PRR12: variants seen among roughly 807,000 people sequenced by gnomAD.
PRR12 encodes proline-rich protein 12.
A neutral mutation model predicts 138.0 loss-of-function variants in PRR12; 12 were observed. That is an observed-to-expected ratio of 0.09 (90% CI 0.06 to 0.14). PRR12 has a LOEUF of 0.14. PRR12 is among the 10% of genes least tolerant of loss of function. The pLI is 1.00. For missense variants in PRR12, 2,692 were observed against 2,861.3 expected, an observed-to-expected ratio of 0.94 and a Z score of 1.35; for synonymous variants, 1,567 against 1,291.7, an observed-to-expected ratio of 1.21 and a Z score of -4.57.
At position 49,595,931 on chromosome 19, in the gene PRR12, C is replaced by G. The variant is rs1426746406; in HGVS notation, c.1596C>G (p.Ser532Arg). The G allele has an allele frequency of 6.2e-7, 1 of 1,601,642 alleles. No homozygotes were observed. Among genetic ancestry groups the G allele is most frequent in the African/African-American group, 1.3e-5 (1 of 74,916 alleles). The change falls in exon 4 of 14, where the codon AGC (serine) becomes AGG (arginine). Residue 532 changes from serine to arginine, a missense_variant. Ser to Arg is a moderately radical substitution (Grantham distance 110). Transcript: ENST00000418929. ...TGCCCACAGCCAGCCCCTCGCTCAGCTACAGTACCGGCCATTCCCCAGCGC... is the reference window on the plus strand; with the variant it reads ...TGCCCACAGCCAGCCCCTCGCTCAGGTACAGTACCGGCCATTCCCCAGCGC... The part of the protein sequence containing the change: ...QGLPTASPSL[S>R]YSTGHSPALS...
Position 49,595,196 on chromosome 19 carries a change from G to T in PRR12, c.861G>T (p.Thr287=). ...PPERALPRQD[T]VIKHYQRPAS... ...AGCGGGCCCTGCCACGCCAGGACAC[G>T]GTCATCAAGCACTACCAGCGGCCAG... The change falls in exon 4 of 14, where the codon ACG becomes ACT. Residue 287 remains threonine (T), a synonymous_variant. Transcript: ENST00000418929. 1 of 1,602,452 alleles carries T rather than the reference G, an allele frequency of 6.2e-7. No individual in the cohort carries two copies. The highest frequency in any genetic ancestry group is 2.3e-5 in the East Asian group (1 of 44,258).
chr19:49,599,252 C>T lies in PRR12; in HGVS notation c.3679-20C>T. 2.6e-6 allele frequency: 4 copies of T among 1,543,080 alleles called. No homozygotes were observed. On this transcript the variant is annotated intron_variant, in intron 4 of 13. Transcript: ENST00000418929. This position sits in a 1 kb window ranked among gnomAD's most constrained non-coding sequence, Gnocchi z 5.0. ...GGCCCAGGCTACTGGGCCCTCACGG[C>T]CCGCCACTCCCATGTCTAGATCAAG...
chr19:49,615,960 G>A lies in PRR12; in HGVS notation c.5238G>A (p.Lys1746=), dbSNP rs2122358160. The A allele has an allele frequency of 6.4e-6, 10 of 1,553,050 alleles. No homozygotes were observed. Among genetic ancestry groups the A allele is most frequent in the Non-Finnish European group, 8.7e-6 (10 of 1,147,754 alleles). Residue 1746 remains lysine, a synonymous_variant, in exon 9 of 14, where the codon AAG becomes AAA. Transcript: ENST00000418929. ...RPVEKEKEKE[K]VTRGERPLRG... is the part of the protein sequence containing the mutation. ...TTGAGAAGGAAAAGGAGAAGGAGAA[G>A]GTGACACGTGGAGAGCGGCCATTGC...
In PRR12 at chr19:49,597,435, C is replaced by T. The variant is rs2080780804; in HGVS notation, c.3100C>T (p.Pro1034Ser). The T allele has an allele frequency of 7.2e-6, 11 of 1,538,334 alleles. No homozygotes were observed. Among genetic ancestry groups the T allele is most frequent in the Non-Finnish European group, 7.0e-6 (8 of 1,145,672 alleles). The change falls in exon 4 of 14, where the codon CCC (proline) becomes TCC (serine). Residue 1034 changes from proline (P) to serine (S), a missense_variant. This residue lies in a region of PRR12 where 840 missense variants were observed against 689.8 expected (regional missense o/e 1.22). Transcript: ENST00000418929. The surrounding 1 kb of genome is among the most constrained non-coding windows in gnomAD (Gnocchi z 6.3). ...GCCGCTGGGCCTGATCCAGAGTGGC[C>T]CCCACCAGGCGGCGCCACCACCCCC... ...AEPLGLIQSG[P>S]HQAAPPPPPP...
Position 49,601,891 on chromosome 19 carries a change from C to A in PRR12, c.4746C>A (p.Ile1582=). 6.2e-7 allele frequency: 1 copy of A among 1,612,186 alleles called. No individual in the cohort carries two copies. The highest frequency in any genetic ancestry group is 1.1e-5 in the South Asian group (1 of 90,942). The change falls in exon 6 of 14, where the codon ATC becomes ATA. Residue 1582 remains isoleucine (I), a synonymous_variant. Transcript: ENST00000418929. ...GIFRERDEFV[I]RAEDIPSLKL... ...TCCGGGAACGGGACGAGTTCGTCATCCGTGCTGAGGACATCCCTTCCCTCA... is the reference window on the plus strand; with the variant it reads ...TCCGGGAACGGGACGAGTTCGTCATACGTGCTGAGGACATCCCTTCCCTCA...
Position 49,596,502 on chromosome 19 carries a change from G to A in PRR12, c.2167G>A (p.Gly723Arg). 1.2e-6 allele frequency: 2 copies of A among 1,610,220 alleles called. No individual in the cohort carries two copies. The highest frequency in any genetic ancestry group is 1.1e-5 in the South Asian group (1 of 90,708). The change falls in exon 4 of 14, where the codon GGG becomes AGG. Residue 723 changes from glycine (G) to arginine (R), a missense_variant. By Grantham distance (125) the Gly-to-Arg change is moderately radical. Transcript: ENST00000418929. The surrounding 1 kb of genome is among the most constrained non-coding windows in gnomAD (Gnocchi z 5.6). Reference protein sequence around the residue: ...GATAALELGLGRLKEKKKGPE... With the variant: ...GATAALELGLRRLKEKKKGPE... The stretch of plus-strand genomic sequence containing the variant: ...CACTGCGGCACTGGAGCTGGGCCTG[G>A]GGAGGCTGAAGGAGAAGAAGAAAGG...
Position 49,597,748 on chromosome 19 carries a change from G to A in PRR12, c.3413G>A (p.Gly1138Glu). Residue 1138 changes from glycine to glutamate, a missense_variant, in exon 4 of 14, where the codon GGG (glycine) becomes GAG (glutamate). Physicochemically the swap from Gly to Glu is moderately conservative, Grantham distance 98 (BLOSUM62 -2). Coordinates refer to ENST00000418929, the MANE Select transcript of PRR12 (RefSeq NM_020719.3). This position sits in a 1 kb window ranked among gnomAD's most constrained non-coding sequence, Gnocchi z 6.3. Reference sequence around the variant, plus strand: ...TCCCGTCCGGCCCTCTCGCCACTGGGGGACATCGACTTCTGCCCACCCAAC... The same window carrying A: ...TCCCGTCCGGCCCTCTCGCCACTGGAGGACATCGACTTCTGCCCACCCAAC... ...CRSRPALSPL[G>E]DIDFCPPNPG... 1 of 1,607,482 alleles carries A rather than the reference G, an allele frequency of 6.2e-7. No homozygotes were observed. Among genetic ancestry groups the A allele is most frequent in the Non-Finnish European group, 8.5e-7 (1 of 1,177,848 alleles).
chr19:49,593,803 C>G (rs1278583151), intron 2 of PRR12, among the ~76,000 whole-genome samples: 4 of 152,266 alleles, frequency 2.6e-5, no homozygotes, highest in Middle Eastern at 3.4e-3. Context: ...CTTCCTGATT[C>G]CCTTTCTTCC....
rs781347620 is a variant in PRR12 at position 49,596,058 on chromosome 19, G to A, written c.1723G>A (p.Gly575Ser). The A allele has an allele frequency of 1.0e-5, 16 of 1,601,572 alleles. No homozygotes were observed. The highest frequency in any genetic ancestry group is 6.7e-5 in the African/African-American group (5 of 75,052). The part of the protein sequence containing the change: ...IRPLQSPPAT[G>S]RPPGVGSPGA... ...TCCGCTCCAGTCACCGCCTGCCACCGGCCGTCCACCTGGAGTCGGCTCTCC... is the reference window on the plus strand; with the variant it reads ...TCCGCTCCAGTCACCGCCTGCCACCAGCCGTCCACCTGGAGTCGGCTCTCC... Residue 575 changes from glycine to serine, a missense_variant, in exon 4 of 14, where the codon GGC (glycine) becomes AGC (serine). Coordinates refer to ENST00000418929, the MANE Select transcript of PRR12 (RefSeq NM_020719.3). The surrounding 1 kb of genome is among the most constrained non-coding windows in gnomAD (Gnocchi z 5.6).
chr19:49,620,216 A>G, intron 9 of PRR12, 136 bp from the exon 10 acceptor site: 2 of 1,213,578 alleles, frequency 1.6e-6, no homozygotes, highest in Non-Finnish European at 2.3e-6. Context: ...CTTGCCTGTC[A>G]ATCTTCCCTA....
At chr19:49,606,395 C>G (rs576351800) in intron 6 of PRR12, among the ~76,000 whole-genome samples, 1 of 150,644 alleles carries the variant, frequency 6.6e-6, no homozygotes, top group South Asian at 2.1e-4. Flanking sequence ...CACTGCAACC[C>G]TCGCCTCCCA....
At position 49,595,612 on chromosome 19, in the gene PRR12, C is replaced by T. The variant is rs1422523061; in HGVS notation, c.1277C>T (p.Ala426Val). Residue 426 changes from alanine (A) to valine (V), a missense_variant, in exon 4 of 14, where the codon GCC (alanine) becomes GTC (valine). Transcript: ENST00000418929. ...KCQSLGGPAAAYATGKASGAG... is the reference protein window; with the variant it reads ...KCQSLGGPAAVYATGKASGAG... ...CAGAGCCTGGGTGGGCCAGCAGCCGCCTATGCCACTGGGAAGGCCTCTGGG... is the reference window on the plus strand; with the variant it reads ...CAGAGCCTGGGTGGGCCAGCAGCCGTCTATGCCACTGGGAAGGCCTCTGGG... 6 of 1,608,032 alleles carry T rather than the reference C, an allele frequency of 3.7e-6. No individual in the cohort carries two copies. Among genetic ancestry groups the T allele is most frequent in the African/African-American group, 1.3e-5 (1 of 74,956 alleles).
rs1280259829 is a variant in PRR12 at position 49,625,023 on chromosome 19, G to C, written c.5868+33G>C. On this transcript the variant is annotated intron_variant, in intron 12 of 13. Transcript: ENST00000418929. This position sits in a 1 kb window ranked among gnomAD's most constrained non-coding sequence, Gnocchi z 5.5. ...CTGGGGCTGGGGCTGGGAGTGGGGAGTGCTGGCGGTATGTGGGAAGGGAGG... is the reference window on the plus strand; with the variant it reads ...CTGGGGCTGGGGCTGGGAGTGGGGACTGCTGGCGGTATGTGGGAAGGGAGG... 6.2e-7 allele frequency: 1 copy of C among 1,610,246 alleles called. No individual in the cohort carries two copies. The highest frequency in any genetic ancestry group is 1.7e-5 in the Admixed American group (1 of 59,846).
intron 6 of PRR12, among the ~76,000 whole-genome samples, chr19:49,609,587 T>G (rs1285317293): frequency 8.5e-5 from 11 of 129,658 alleles, no homozygotes; most frequent in Admixed American, 1.7e-4. Context: ...GGCCACAGAG[T>G]GAGACTGTCT....
intron 9 of PRR12, among the ~76,000 whole-genome samples, chr19:49,617,990 C>T (rs1251349330): frequency 5.3e-5 from 8 of 152,030 alleles, no homozygotes; most frequent in African/African-American, 1.7e-4. Flanking sequence ...CACAGCGACT[C>T]GGGAGGCGGA....
intron 6 of PRR12, among the ~76,000 whole-genome samples, chr19:49,606,979 A>G (rs924146302): frequency 1.3e-5 from 2 of 152,106 alleles, no homozygotes; most frequent in East Asian, 1.9e-4. Flanking sequence ...AAATGTTTTC[A>G]TTCCTGGTTT....
At chr19:49,615,156 A>G in intron 8 of PRR12, 147 bp downstream of exon 8, 1 of 1,249,704 alleles carries the variant, frequency 8.0e-7, no homozygotes, top group Non-Finnish European at 1.1e-6. Context: ...AGAGACCCGG[A>G]GAGAAATAGG....
chr19:49,611,909 C>T (rs369681170), intron 6 of PRR12, among the ~76,000 whole-genome samples: 74 of 79,642 alleles, frequency 9.3e-4, no homozygotes, highest in African/African-American at 4.4e-3. Flanking sequence ...GGCGACAGAG[C>T]GAGACTCCGT....
chr19:49,617,801 G>A (rs1568431052), intron 9 of PRR12, among the ~76,000 whole-genome samples: 1 of 152,128 alleles, frequency 6.6e-6, no homozygotes, highest in Non-Finnish European at 1.5e-5. Flanking sequence ...GATATAGCAG[G>A]GAGATGTATA....
Sources: gnomAD v4.1 joint callset for allele counts (sites outside exome capture counted in the v4.1 genomes callset) on GRCh38, gnomAD v4.1.1 for gene constraint, gnomAD v4.1.1 regional missense constraint, Gnocchi (gnomAD v3.1) non-coding constraint, MANE v1.5 for transcripts, NCBI Gene and HGNC (gene_info 2026-07-23, HGNC 2026-07-21) for gene names.